STX18: variants seen among roughly 807,000 people sequenced by gnomAD.
The protein encoded by STX18 is syntaxin-18.
Under a neutral mutation model 50.1 loss-of-function variants are expected in STX18, and 40 were observed. That is an observed-to-expected ratio of 0.80 (90% CI 0.62 to 1.04). The LOEUF (loss-of-function observed/expected upper bound fraction) is 1.04, where lower values mean the gene tolerates loss of function less well. Ranked by LOEUF, STX18 falls within the 50% of genes least tolerant of loss-of-function variation. STX18 has a pLI of 0.00. For missense variants in STX18, 410 were observed against 415.8 expected (o/e 0.99, Z 0.12); for synonymous variants, 158 against 151.8 (o/e 1.04, Z -0.30).
intron 1 of STX18, among the ~76,000 whole-genome samples, chr4:4,525,174 G>C (rs1045708786): frequency 6.6e-6 from 1 of 152,030 alleles, no homozygotes; most frequent in African/African-American, 2.4e-5. Context: ...GCCTTTATGA[G>C]AAAAAAGAAA....
chr4:4,497,512 T>C (rs935942564), intron 1 of STX18, among the ~76,000 whole-genome samples: 3 of 152,240 alleles, frequency 2.0e-5, no homozygotes, highest in African/African-American at 7.2e-5. Context: ...AGTTTTATAC[T>C]GTCCTACAAA....
chr4:4,425,342 C>T (rs950476076), intron 7 of STX18, 120 bp from the exon 8 acceptor site: 4 of 864,154 alleles, frequency 4.6e-6, no homozygotes, highest in Admixed American at 1.8e-5. Context: ...GCTGCGGCAA[C>T]GTGGCAGCCG....
At position 4,457,331 on chromosome 4, in the gene STX18, T is replaced by G; in HGVS notation, c.431-74A>C. On this transcript the variant is annotated intron_variant, in intron 4 of 10. Transcript: ENST00000306200. ...CAGGCAAAGCCATCATTAAATATAA[T>G]GAGATACTACAGTCTTCAGCTAGCA... The G allele has an allele frequency of 3.8e-6, 6 of 1,563,548 alleles. No individual in the cohort carries two copies. In the South Asian group the frequency reaches 5.6e-5, roughly 15 times the overall value.
At chr4:4,529,177 C>G (rs909078126) in intron 1 of STX18, among the ~76,000 whole-genome samples, 4 of 152,112 alleles carry the variant, frequency 2.6e-5, no homozygotes, top group Non-Finnish European at 5.9e-5. Context: ...TCCTGGCTAA[C>G]ACGGTGAAAC....
chr4:4,492,826 T>A (rs1729001558), intron 1 of STX18, among the ~76,000 whole-genome samples: 1 of 152,172 alleles, frequency 6.6e-6, no homozygotes, highest in East Asian at 1.9e-4. Context: ...AATGTGTGCA[T>A]TTAAGAGATG....
intron 8 of STX18, chr4:4,423,791 G>A: frequency 1.7e-6 from 1 of 593,066 alleles, no homozygotes; most frequent in Non-Finnish European, 3.0e-6. Context: ...GCATAGCCTA[G>A]CACACTGGTC....
chr4:4,458,518 G>A (rs1318532420), intron 3 of STX18, among the ~76,000 whole-genome samples: 1 of 152,182 alleles, frequency 6.6e-6, no homozygotes, highest in Non-Finnish European at 1.5e-5. Flanking sequence ...AGTCTGTGTT[G>A]TGAGCACAAC....
intron 5 of STX18, among the ~76,000 whole-genome samples, chr4:4,441,589 A>G (rs1055452453): frequency 3.9e-5 from 6 of 152,216 alleles, no homozygotes; most frequent in African/African-American, 1.4e-4. Context: ...CCCATACGTA[A>G]AAAACCAAAA....
chr4:4,530,434 G>A (rs971158442), intron 1 of STX18, among the ~76,000 whole-genome samples: 1 of 151,276 alleles, frequency 6.6e-6, no homozygotes, highest in African/African-American at 2.4e-5. Flanking sequence ...TCTTCAGTAT[G>A]TCACATTTAC....
chr4:4,458,522 G>A (rs998211735), intron 3 of STX18, among the ~76,000 whole-genome samples: 6 of 152,198 alleles, frequency 3.9e-5, no homozygotes, highest in African/African-American at 1.4e-4. Flanking sequence ...TGTGTTGTGA[G>A]CACAACAGCA....
At chr4:4,498,311 G>C (rs1409209935) in intron 1 of STX18, among the ~76,000 whole-genome samples, 1 of 151,960 alleles carries the variant, frequency 6.6e-6, no homozygotes, top group Non-Finnish European at 1.5e-5. Context: ...TCGCAAAATA[G>C]TACTGCATAA....
intron 9 of STX18, among the ~76,000 whole-genome samples, chr4:4,421,545 G>A (rs1283681222): frequency 3.9e-5 from 6 of 152,124 alleles, no homozygotes; most frequent in African/African-American, 7.2e-5. Context: ...ATGAGCCACC[G>A]CGCAGGGCTG....
chr4:4,455,211 C>T (rs532745613), intron 5 of STX18, among the ~76,000 whole-genome samples: 20 of 152,326 alleles, frequency 1.3e-4, no homozygotes, highest in African/African-American at 4.6e-4. Flanking sequence ...CTAATTATGA[C>T]ATATCCTGAT....
chr4:4,497,228 C>T (rs1729220322), intron 1 of STX18, among the ~76,000 whole-genome samples: 1 of 152,180 alleles, frequency 6.6e-6, no homozygotes, highest in African/African-American at 2.4e-5. Flanking sequence ...AGCTCGACCT[C>T]CAATTTGCTC....
intron 9 of STX18, 116 bp downstream of exon 9, chr4:4,423,402 A>C: frequency 1.0e-6 from 1 of 977,686 alleles, no homozygotes; most frequent in Non-Finnish European, 1.6e-6. Context: ...TGCTAGCAAC[A>C]CATGGCTCTG....
chr4:4,449,172 G>A (rs548561962), intron 5 of STX18, among the ~76,000 whole-genome samples: 1 of 151,048 alleles, frequency 6.6e-6, no homozygotes, highest in East Asian at 2.0e-4. Context: ...TCTGCCTCCT[G>A]AGAAGCTGGG....
chr4:4,457,282 G>A, intron 4 of STX18, 25 bp from the exon 5 acceptor site: 2 of 1,610,308 alleles, frequency 1.2e-6, no homozygotes, highest in South Asian at 1.1e-5. Context: ...AATACCAGAA[G>A]AGAGACTGCT....
Position 4,497,970 on chromosome 4 carries a change from G to A in STX18, c.169-26264C>T, listed in dbSNP as rs567068858. Among the ~76,000 whole-genome samples the A allele has an allele frequency of 9.2e-5, 14 of 152,252 alleles. No individual in the cohort carries two copies. The South Asian group carries it at 1.9e-3, about 20-fold the overall frequency. On this transcript the variant is annotated intron_variant, in intron 1 of 10. Coordinates refer to ENST00000306200, the MANE Select transcript of STX18 (RefSeq NM_016930.4). ...AGAGAATGTATTCACAGGTGCCTCC[G>A]TCTAAGGTCTATGGTCTGTCAAAGA...
At chr4:4,457,073 A>G in intron 5 of STX18, 118 bp downstream of exon 5, 1 of 941,456 alleles carries the variant, frequency 1.1e-6, no homozygotes, top group South Asian at 1.6e-5. Flanking sequence ...CAGCTATGGC[A>G]TTTTGCGAAG....
Sources: allele counts gnomAD v4.1 joint callset (sites outside exome capture counted in the v4.1 genomes callset), GRCh38; gene constraint gnomAD v4.1.1; transcripts MANE v1.5; gene names NCBI Gene and HGNC (gene_info 2026-07-23, HGNC 2026-07-21).